The following HELQ variants were observed in gnomAD, a reference collection of about 807,000 sequenced individuals.
The protein encoded by HELQ is helicase POLQ-like.
In HELQ, 77 loss-of-function variants were observed where a neutral mutation model predicts 111.6. The observed-to-expected ratio is 0.69, with a 90% confidence interval of 0.57 to 0.83. The LOEUF is 0.83. HELQ is among the 40% of genes least tolerant of loss of function. The probability of loss-of-function intolerance (pLI) is 0.00; values close to 1 mark genes in which losing one functional copy is unlikely to be tolerated. For missense variants in HELQ, 1,200 were observed against 1,288.5 expected (o/e 0.93, Z 1.05); for synonymous variants, 438 against 454.7 (o/e 0.96, Z 0.47).
chr4:83,441,027 C>T (rs541001519), intron 7 of HELQ, among the ~76,000 whole-genome samples: 1 of 152,348 alleles, frequency 6.6e-6, no homozygotes, highest in African/African-American at 2.4e-5. Flanking sequence ...CTATTCTCTT[C>T]TGTTCCAGAT....
intron 17 of HELQ, among the ~76,000 whole-genome samples, chr4:83,409,018 G>A (rs1738947329): frequency 6.6e-6 from 1 of 152,080 alleles, no homozygotes; most frequent in Admixed American, 6.5e-5. Flanking sequence ...TCAGCCATGA[G>A]AGGAAGAGGA....
chr4:83,420,678 T>C (rs769680781), intron 15 of HELQ, among the ~76,000 whole-genome samples: 5 of 151,956 alleles, frequency 3.3e-5, no homozygotes, highest in Admixed American at 6.6e-5. Context: ...CCAGCTACTC[T>C]AGAGGTTGAG....
chr4:83,452,961 C>A (rs1721477401), intron 2 of HELQ, among the ~76,000 whole-genome samples: 1 of 147,996 alleles, frequency 6.8e-6, no homozygotes, highest in African/African-American at 2.7e-5. Context: ...ACTTATTATC[C>A]CTTTCTTATA....
chr4:83,436,755 G>C (rs1720480548), intron 9 of HELQ, 103 bp downstream of exon 9: 1 of 1,228,968 alleles, frequency 8.1e-7, no homozygotes, highest in African/African-American at 1.5e-5. Flanking sequence ...AAGAACATTT[G>C]ATAAATTCTC....
intron 4 of HELQ, among the ~76,000 whole-genome samples, chr4:83,446,594 C>T (rs999017793): frequency 6.6e-6 from 1 of 152,140 alleles, no homozygotes; most frequent in Admixed American, 6.5e-5. Flanking sequence ...GCATGAGCCA[C>T]CACGCCCAGC....
At chr4:83,442,770 T>C (rs1050863341) in intron 6 of HELQ, among the ~76,000 whole-genome samples, 13 of 152,132 alleles carry the variant, frequency 8.5e-5, no homozygotes, top group African/African-American at 2.7e-4. Context: ...CAGGCTGGTC[T>C]TGAACTCCTG....
intron 15 of HELQ, among the ~76,000 whole-genome samples, chr4:83,421,202 T>G (rs558163295): frequency 6.6e-6 from 1 of 152,318 alleles, no homozygotes; most frequent in Non-Finnish European, 1.5e-5. Flanking sequence ...ACACCTGACA[T>G]TTTTATTACT....
chr4:83,438,684 G>C (rs1310582951), intron 8 of HELQ, among the ~76,000 whole-genome samples: 1 of 145,608 alleles, frequency 6.9e-6, no homozygotes, highest in African/African-American at 2.7e-5. Context: ...AGAGGCTGCA[G>C]TGAGCTAGCT....
intron 12 of HELQ, among the ~76,000 whole-genome samples, chr4:83,428,525 C>T (rs1387148826): frequency 5.3e-5 from 8 of 152,210 alleles, no homozygotes; most frequent in South Asian, 2.1e-4. Context: ...TGCGCCACTG[C>T]ATTTTGGCCT....
rs150954491 is a variant in HELQ at position 83,432,642 on chromosome 4, C to T, written c.2049-375G>A. On this transcript the variant is annotated intron_variant, in intron 9 of 17. Transcript: ENST00000295488. ...TCCAAAGCGTTTGGACTTTATACTC[C>T]ATAAATAAAAAATATGACCATACAC... Among the ~76,000 whole-genome samples, 565 of 152,244 alleles carry T rather than the reference C, an allele frequency of 3.7e-3. 5 individuals are homozygous for T. Among genetic ancestry groups the T allele is most frequent in the African/African-American group, 0.013 (536 of 41,528 alleles).
chr4:83,449,241 T>C (rs1251685317), intron 2 of HELQ, among the ~76,000 whole-genome samples: 2 of 152,170 alleles, frequency 1.3e-5, no homozygotes, highest in Non-Finnish European at 2.9e-5. Flanking sequence ...AGCAGCCTCG[T>C]GGACAAGGAG....
intron 15 of HELQ, 72 bp downstream of exon 15, chr4:83,421,491 T>G: frequency 3.6e-6 from 4 of 1,111,786 alleles, no homozygotes; most frequent in Non-Finnish European, 5.2e-6. Flanking sequence ...ACTGACTAAC[T>G]GGCTTATTAG....
At chr4:83,415,856 A>G (rs1739325752) in intron 17 of HELQ, among the ~76,000 whole-genome samples, 1 of 151,962 alleles carries the variant, frequency 6.6e-6, no homozygotes, top group Non-Finnish European at 1.5e-5. Flanking sequence ...CATGTTGGCC[A>G]GGCTGGTCTC....
At chr4:83,426,796 C>T (rs4263394) in intron 13 of HELQ, among the ~76,000 whole-genome samples, 53,266 of 151,936 alleles carry the variant, frequency 0.35, 11,183 homozygotes, top group East Asian at 0.67. Context: ...AAACTCCAGA[C>T]CTCAAGTGAT....
At chr4:83,417,094 T>C (rs1242642318) in intron 16 of HELQ, among the ~76,000 whole-genome samples, 1 of 152,144 alleles carries the variant, frequency 6.6e-6, no homozygotes, top group East Asian at 1.9e-4. Flanking sequence ...TCAACTGATG[T>C]GTGCTGCAAT....
intron 12 of HELQ, among the ~76,000 whole-genome samples, chr4:83,428,441 GT>G (rs1367271972): frequency 6.6e-6 from 1 of 152,036 alleles, no homozygotes; most frequent in African/African-American, 2.4e-5. Flanking sequence ...TGCCCCTGTA[GT>G]CCCAGCTACT....
At chr4:83,422,791 G>C (rs1249203176) in intron 14 of HELQ, among the ~76,000 whole-genome samples, 1 of 152,194 alleles carries the variant, frequency 6.6e-6, no homozygotes, top group Non-Finnish European at 1.5e-5. Flanking sequence ...GAATTGGTGA[G>C]AGAGACTTTT....
intron 1 of HELQ, 118 bp from the exon 2 acceptor site, chr4:83,454,063 G>C: frequency 1.5e-6 from 1 of 679,680 alleles, no homozygotes; most frequent in Non-Finnish European, 2.6e-6. Context: ...AATTAGCCGG[G>C]CATAGTGGCA....
intron 17 of HELQ, among the ~76,000 whole-genome samples, chr4:83,408,463 G>C (rs1296652321): frequency 4.0e-5 from 6 of 151,824 alleles, no homozygotes; most frequent in Admixed American, 6.6e-5. Flanking sequence ...ATGTTGGCCA[G>C]GATGGTCTCC....
Sources: allele counts gnomAD v4.1 joint callset (sites outside exome capture counted in the v4.1 genomes callset), GRCh38; gene constraint gnomAD v4.1.1; transcripts MANE v1.5; gene names NCBI Gene and HGNC (gene_info 2026-07-23, HGNC 2026-07-21).